The following REV3L variants were observed in gnomAD, a reference collection of about 807,000 sequenced individuals.
REV3L encodes DNA polymerase zeta catalytic subunit.
In REV3L, 69 loss-of-function variants were observed where a neutral mutation model predicts 299.4. That is an observed-to-expected ratio of 0.23 (90% CI 0.19 to 0.28). REV3L has a LOEUF of 0.28. Ranked by LOEUF, REV3L falls within the 10% of genes least tolerant of loss-of-function variation. The pLI is 1.00. For missense variants in REV3L, 3,128 were observed against 3,693.8 expected, an observed-to-expected ratio of 0.85 and a Z score of 3.97; for synonymous variants, 1,238 against 1,271.4, an observed-to-expected ratio of 0.97 and a Z score of 0.56.
intron 3 of REV3L, among the ~76,000 whole-genome samples, chr6:111,410,972 T>C (rs1255284332): frequency 3.3e-5 from 5 of 151,978 alleles, no homozygotes; most frequent in Non-Finnish European, 7.4e-5. Context: ...TCCAGGATGA[T>C]TGAGAGGATA....
chr6:111,454,304 A>G (rs1789916775), intron 1 of REV3L, among the ~76,000 whole-genome samples: 2 of 152,164 alleles, frequency 1.3e-5, no homozygotes, highest in African/African-American at 4.8e-5. Flanking sequence ...TTTAACAATA[A>G]AACAAAACAA....
rs757261538 is a variant in REV3L, at chr6:111,374,976, G to A, written c.3379C>T (p.Arg1127Cys). 10 of 1,612,476 alleles carry A rather than the reference G, an allele frequency of 6.2e-6. No homozygotes were observed. Among genetic ancestry groups the A allele is most frequent in the East Asian group, 2.2e-5 (1 of 44,880 alleles). ...STSPINSSPP[R>C]CWSPTDPRAE... ...CTTGGATCTGTGGGAGACCAGCAGC[G>A]AGGTGGAGAAGAATTTATGGGACTT... Residue 1127 changes from arginine (R) to cysteine (C), a missense_variant, in exon 13 of 32, where the codon CGC becomes TGC. Around this residue, in one of 9 missense-constraint regions of REV3L, gnomAD observed 2,409 missense variants for 2,611.8 expected, o/e 0.92. Coordinates refer to ENST00000368802, the MANE Select transcript of REV3L (RefSeq NM_001372078.1).
At chr6:111,429,059 C>T (rs1488480594) in intron 1 of REV3L, among the ~76,000 whole-genome samples, 1 of 152,124 alleles carries the variant, frequency 6.6e-6, no homozygotes, top group Non-Finnish European at 1.5e-5. Context: ...CTATAAAGGC[C>T]AGGAAAGAGT....
At chr6:111,379,952 A>C (rs1780657184) in intron 11 of REV3L, 30 bp downstream of exon 11, 3 of 1,321,774 alleles carry the variant, frequency 2.3e-6, no homozygotes, top group Middle Eastern at 2.0e-4. Flanking sequence ...ATAAAAGTTA[A>C]TAAAACAACT....
chr6:111,431,571 A>G, intron 1 of REV3L: 1 of 778,160 alleles, frequency 1.3e-6, no homozygotes, highest in Non-Finnish European at 2.3e-6. Flanking sequence ...CCTCATACAG[A>G]GAAATGCATC....
chr6:111,417,456 G>A (rs1784895369), intron 1 of REV3L, among the ~76,000 whole-genome samples: 2 of 152,098 alleles, frequency 1.3e-5, no homozygotes, highest in Admixed American at 1.3e-4. Flanking sequence ...AGCAGTGATG[G>A]AAGAACACAT....
chr6:111,378,622 CT>C (rs1780538111), intron 11 of REV3L, among the ~76,000 whole-genome samples: 1 of 152,156 alleles, frequency 6.6e-6, no homozygotes, highest in East Asian at 1.9e-4. Context: ...GTATAAGGGG[CT>C]TGCTGTCTCA....
At chr6:111,342,727 A>G (rs960841691) in intron 21 of REV3L, among the ~76,000 whole-genome samples, 2 of 151,546 alleles carry the variant, frequency 1.3e-5, no homozygotes, top group African/African-American at 4.9e-5. Flanking sequence ...GAACTGAGAA[A>G]CTCCCCCTGC....
chr6:111,330,969 T>C (rs1401434374), intron 24 of REV3L: 5 of 984,876 alleles, frequency 5.1e-6, no homozygotes, highest in East Asian at 2.3e-4. Context: ...ACTTTTGATA[T>C]AGTACACCAG....
intron 1 of REV3L, among the ~76,000 whole-genome samples, chr6:111,481,821 A>AT (rs1178271537): frequency 1.2e-4 from 18 of 152,180 alleles, no homozygotes; most frequent in African/African-American, 4.3e-4. Context: ...TTATATTATC[A>AT]TAAGCCCCAG....
At position 111,367,270 on chromosome 6, in the gene REV3L, C is replaced by A; in HGVS notation, c.6518G>T (p.Cys2173Phe). ...CACTAGAGGCTCTTGAGGCTCACTG[C>A]AGGGGCTTTTTTGTATACCATCTTT... ...PIKDGIQKSP[C>F]SEPQEPLVIS... Residue 2173 changes from cysteine (C) to phenylalanine (F), a missense_variant, in exon 14 of 32, where the codon TGC (cysteine) becomes TTC (phenylalanine). By Grantham distance (205) the Cys-to-Phe change is radical. Transcript: ENST00000368802. The A allele has an allele frequency of 6.2e-7, 1 of 1,613,162 alleles. No homozygotes were observed. Among genetic ancestry groups the A allele is most frequent in the Non-Finnish European group, 8.5e-7 (1 of 1,179,800 alleles).
intron 4 of REV3L, among the ~76,000 whole-genome samples, chr6:111,398,339 G>A (rs936261558): frequency 6.6e-6 from 1 of 151,306 alleles, no homozygotes; most frequent in Non-Finnish European, 1.5e-5. Context: ...TGAAAAATGA[G>A]GATGTTAAAA....
intron 1 of REV3L, among the ~76,000 whole-genome samples, chr6:111,467,661 T>C (rs1336791293): frequency 2.0e-5 from 3 of 152,342 alleles, no homozygotes; most frequent in Middle Eastern, 3.4e-3. Flanking sequence ...AACTATTACA[T>C]AGCATTTACA....
intron 1 of REV3L, among the ~76,000 whole-genome samples, chr6:111,465,756 A>AACAAACAAACAAAAAAAAAAAAC (rs1554250448): frequency 7.5e-5 from 11 of 146,998 alleles, no homozygotes; most frequent in Non-Finnish European, 1.5e-4. Context: ...AAAAAAAAAA[A>AACAAACAAACAAAAAAAAAAAAC]AAAAAAAAAA....
Position 111,367,475 on chromosome 6 carries a change from T to C in REV3L, c.6313A>G (p.Lys2105Glu). 1.9e-6 allele frequency: 3 copies of C among 1,608,796 alleles called. No individual in the cohort carries two copies. The highest frequency in any genetic ancestry group is 2.5e-6 in the Non-Finnish European group (3 of 1,176,488). Residue 2105 changes from lysine to glutamate, a missense_variant, in exon 14 of 32, where the codon AAA becomes GAA. Physicochemically the swap from Lys to Glu is moderately conservative, Grantham distance 56. Coordinates refer to ENST00000368802, the MANE Select transcript of REV3L (RefSeq NM_001372078.1). Reference protein sequence around the residue: ...PPVASASDPEKDEDDDDNYYI... With the variant: ...PPVASASDPEEDEDDDDNYYI... Reference sequence around the variant, plus strand: ...TAGTTATCATCATCATCTTCATCTTTTTCGGGATCACTTGCAGAGGCAACT... The same window carrying C: ...TAGTTATCATCATCATCTTCATCTTCTTCGGGATCACTTGCAGAGGCAACT...
chr6:111,443,852 A>G (rs957589895), intron 1 of REV3L, among the ~76,000 whole-genome samples: 8 of 152,228 alleles, frequency 5.3e-5, no homozygotes, highest in Non-Finnish European at 1.0e-4. Context: ...GAATTTAGAA[A>G]AGATGCTATC....
At chr6:111,377,939 C>T (rs1459436939) in intron 11 of REV3L, 96 bp from the exon 12 acceptor site, 1 of 923,750 alleles carries the variant, frequency 1.1e-6, no homozygotes, top group Non-Finnish European at 1.6e-6. Context: ...AATAATGTAT[C>T]TAAGTTAACT....
At position 111,299,321 on chromosome 6, in the gene REV3L, G is replaced by A. The variant is rs903930923; in HGVS notation, c.*695C>T. 1 of 152,462 alleles carries A rather than the reference G, an allele frequency of 6.6e-6. No individual in the cohort carries two copies. The highest frequency in any genetic ancestry group is 6.6e-5 in the Admixed American group (1 of 15,264). The allele number at this position is 152,462 out of a possible 1,614,324, so 9.4% of individuals were successfully genotyped here. A position where few individuals can be genotyped will look rare whatever the true frequency, so the allele number is the denominator to read the frequency against. On this transcript the variant is annotated 3_prime_UTR_variant, in exon 32 of 32. Coordinates refer to ENST00000368802, the MANE Select transcript of REV3L (RefSeq NM_001372078.1). ...TTTTTATTTTTAAAGTATTGCAACA[G>A]GCCCACAGGTTTGTAACAAAAATGT... is the stretch of plus-strand genomic sequence containing the variant.
At chr6:111,399,050 C>A (rs1415499822) in intron 4 of REV3L, among the ~76,000 whole-genome samples, 1 of 152,110 alleles carries the variant, frequency 6.6e-6, no homozygotes, top group Non-Finnish European at 1.5e-5. Flanking sequence ...GAGTACCATT[C>A]CAATAATCTA....
Sources: gnomAD v4.1 joint callset for allele counts (sites outside exome capture counted in the v4.1 genomes callset) on GRCh38, gnomAD v4.1.1 for gene constraint, gnomAD v4.1.1 regional missense constraint, MANE v1.5 for transcripts, NCBI Gene and HGNC (gene_info 2026-07-23, HGNC 2026-07-21) for gene names.